Variants in LGSN observed in about 807,000 individuals in gnomAD.
LGSN encodes lengsin.
LGSN carries 21 observed loss-of-function variants against 19.5 expected under a neutral mutation model. The ratio of observed to expected loss-of-function variants is 1.07; its 90% confidence interval spans 0.76 to 1.55. The LOEUF (loss-of-function observed/expected upper bound fraction) is 1.55, where lower values mean the gene tolerates loss of function less well. LGSN is among the 40% of genes most tolerant of loss of function. The pLI, the probability that LGSN is intolerant of heterozygous loss-of-function variation, is 0.00. For missense variants in LGSN, 673 were observed against 608.5 expected, an observed-to-expected ratio of 1.11 and a Z score of -1.12; for synonymous variants, 257 against 215.6, an observed-to-expected ratio of 1.19 and a Z score of -1.68.
chr6:63,366,259 A>G, the LGSN span, among the ~76,000 whole-genome samples: 29 of 152,344 alleles, frequency 1.9e-4, no homozygotes, highest in East Asian at 5.0e-3. Flanking sequence ...TACAAAATCA[A>G]TGTGCCAAAA....
the LGSN span, among the ~76,000 whole-genome samples, chr6:63,369,445 G>A: frequency 6.6e-6 from 1 of 152,152 alleles, no homozygotes; most frequent in African/African-American, 2.4e-5. Context: ...AGTGTGACAG[G>A]CAAAGTGGTA....
At chr6:63,450,866 GT>G in the LGSN span, among the ~76,000 whole-genome samples, 1 of 151,872 alleles carries the variant, frequency 6.6e-6, no homozygotes, top group Non-Finnish European at 1.5e-5. Context: ...TAGAGATAAG[GT>G]TTCGCCATGT....
the LGSN span, among the ~76,000 whole-genome samples, chr6:63,459,531 A>T: frequency 1.3e-5 from 2 of 152,308 alleles, no homozygotes; most frequent in East Asian, 3.9e-4. Context: ...CTAGAATTAA[A>T]GGTGTGAGCC....
the LGSN span, among the ~76,000 whole-genome samples, chr6:63,474,232 T>G: frequency 6.6e-6 from 1 of 152,224 alleles, no homozygotes; most frequent in African/African-American, 2.4e-5. Flanking sequence ...AAACCAAGTA[T>G]GGATTGCCAT....
At chr6:63,409,847 C>T in the LGSN span, among the ~76,000 whole-genome samples, 30 of 152,072 alleles carry the variant, frequency 2.0e-4, no homozygotes, top group Non-Finnish European at 3.8e-4. Context: ...ACCAGCCTGG[C>T]CAACATGGCG....
the LGSN span, among the ~76,000 whole-genome samples, chr6:63,433,213 T>C: frequency 4.6e-5 from 7 of 152,316 alleles, no homozygotes; most frequent in Admixed American, 3.3e-4. Flanking sequence ...TAAATAATAA[T>C]AATCAGCCTC....
the LGSN span, among the ~76,000 whole-genome samples, chr6:63,399,388 G>C: frequency 6.7e-6 from 1 of 148,896 alleles, no homozygotes; most frequent in Non-Finnish European, 1.5e-5. Context: ...ACACACAACA[G>C]TACTAATTTT....
At chr6:63,553,978 T>C in the LGSN span, among the ~76,000 whole-genome samples, 6 of 152,170 alleles carry the variant, frequency 3.9e-5, no homozygotes, top group Non-Finnish European at 2.9e-5. Flanking sequence ...TTAAGAGGCT[T>C]ATAACCACAC....
chr6:63,357,137 C>T, the LGSN span, among the ~76,000 whole-genome samples: 1 of 152,182 alleles, frequency 6.6e-6, no homozygotes, highest in Non-Finnish European at 1.5e-5. Context: ...CAGCTTCATC[C>T]ATATCCCTGC....
the LGSN span, among the ~76,000 whole-genome samples, chr6:63,444,903 G>C: frequency 2.6e-5 from 4 of 152,172 alleles, no homozygotes; most frequent in African/African-American, 9.7e-5. Flanking sequence ...CCAACGAAAG[G>C]CTGGAAGGAG....
At chr6:63,439,721 C>T in the LGSN span, among the ~76,000 whole-genome samples, 1 of 152,128 alleles carries the variant, frequency 6.6e-6, no homozygotes, top group Non-Finnish European at 1.5e-5. Flanking sequence ...TGCATGTTCA[C>T]TTCTCTAGTT....
the LGSN span, chr6:63,441,661 G>C: frequency 2.5e-5 from 12 of 478,390 alleles, no homozygotes; most frequent in African/African-American, 2.4e-4. Context: ...AAGAGTGCCA[G>C]AGAAAGGAGT....
chr6:63,532,352 G>A, the LGSN span, among the ~76,000 whole-genome samples: 4 of 152,006 alleles, frequency 2.6e-5, no homozygotes, highest in Admixed American at 1.3e-4. Flanking sequence ...CCACAGTTTA[G>A]CTTCTGGATT....
At chr6:63,480,960 T>G in the LGSN span, among the ~76,000 whole-genome samples, 172 of 28,226 alleles carry the variant, frequency 6.1e-3, 3 homozygotes, top group South Asian at 0.012. Context: ...TATATATATA[T>G]ATATATATAT....
At chr6:63,361,813 A>G in the LGSN span, among the ~76,000 whole-genome samples, 1 of 152,048 alleles carries the variant, frequency 6.6e-6, no homozygotes. Context: ...CTACAACCCT[A>G]GATTTTTAAC....
rs150322046 is a variant in LGSN at position 63,281,098 on chromosome 6, T to C, written c.453A>G (p.Pro151=). 1 of 1,613,840 alleles carries C rather than the reference T, an allele frequency of 6.2e-7. No individual in the cohort carries two copies. The highest frequency in any genetic ancestry group is 8.5e-7 in the Non-Finnish European group (1 of 1,179,988). Reference sequence around the variant, plus strand: ...GCAAAACTCTAAAGGTTGATAACTCTGGCATTAGGACTATGTCGCTATTAA... The same window carrying C: ...GCAAAACTCTAAAGGTTGATAACTCCGGCATTAGGACTATGTCGCTATTAA... ...TCFNSDIVLM[P]ELSTFRVLPW... is the part of the protein sequence containing the mutation. Residue 151 remains proline (P), a synonymous_variant, in exon 4 of 4, where the codon CCA becomes CCG. Coordinates refer to ENST00000370657, the MANE Select transcript of LGSN (RefSeq NM_016571.3).
the LGSN span, among the ~76,000 whole-genome samples, chr6:63,411,826 G>A: frequency 6.6e-6 from 1 of 151,958 alleles, no homozygotes; most frequent in African/African-American, 2.4e-5. Flanking sequence ...CAGCCTGGGT[G>A]ACAGAGTGAG....
In LGSN at chr6:63,279,784, C is replaced by G. The variant is rs77713411; in HGVS notation, c.*237G>C. The G allele has an allele frequency of 3.0e-3, 1,123 of 374,080 alleles. 8 individuals are homozygous for G. Among genetic ancestry groups the G allele is most frequent in the African/African-American group, 0.02 (973 of 47,642 alleles). The allele number at this position is 374,080 out of a possible 1,614,324, so 23.2% of individuals were successfully genotyped here. On this transcript the variant is annotated 3_prime_UTR_variant, in exon 4 of 4. Transcript: ENST00000370657. The stretch of plus-strand genomic sequence containing the variant: ...ACACATAGGAAATGACTGACAAGAT[C>G]TGGTAAGTTTGCATATTATAGCTTC...
chr6:63,496,041 C>T, the LGSN span, among the ~76,000 whole-genome samples: 1 of 152,140 alleles, frequency 6.6e-6, no homozygotes, highest in South Asian at 2.1e-4. Context: ...ATTCTCCTGC[C>T]TCAGCCTCCC....
Sources: allele counts gnomAD v4.1 joint callset (sites outside exome capture counted in the v4.1 genomes callset), GRCh38; gene constraint gnomAD v4.1.1; transcripts MANE v1.5; gene names NCBI Gene and HGNC (gene_info 2026-07-23, HGNC 2026-07-21).